Variants in NUBPL observed in about 807,000 individuals in gnomAD.
NUBPL encodes NUBP iron-sulfur cluster assembly factor, mitochondrial, also known as iron-sulfur cluster transfer protein NUBPL.
NUBPL carries 31 observed loss-of-function variants against 45.7 expected under a neutral mutation model. The ratio of observed to expected loss-of-function variants is 0.68; its 90% CI spans 0.51 to 0.92. NUBPL has a LOEUF of 0.92. Among genes scored for constraint, NUBPL ranks in the 40% least tolerant of loss-of-function variants. The pLI, the probability that NUBPL is intolerant of heterozygous loss-of-function variation, is 0.00. For missense variants in NUBPL, 401 were observed against 398.7 expected (o/e 1.01, Z -0.05); for synonymous variants, 144 against 140.9 (o/e 1.02, Z -0.15).
At chr14:31,761,215 G>C (rs1459090855) in intron 6 of NUBPL, among the ~76,000 whole-genome samples, 2 of 152,034 alleles carry the variant, frequency 1.3e-5, no homozygotes, top group Admixed American at 1.3e-4. Flanking sequence ...GTCTCACTCT[G>C]TTGCCCATTC....
intron 3 of NUBPL, among the ~76,000 whole-genome samples, chr14:31,578,834 C>T (rs543429753): frequency 1.3e-5 from 2 of 152,182 alleles, no homozygotes; most frequent in East Asian, 1.9e-4. Flanking sequence ...AAAGTACAAC[C>T]GCCTATTTTT....
chr14:31,656,157 C>A (rs945354923), intron 4 of NUBPL, among the ~76,000 whole-genome samples: 4 of 152,126 alleles, frequency 2.6e-5, no homozygotes, highest in African/African-American at 9.7e-5. Flanking sequence ...GTATCTTCCT[C>A]ACCTCTCTCA....
chr14:31,847,052 C>A (rs1182955951), intron 9 of NUBPL, among the ~76,000 whole-genome samples: 1 of 152,006 alleles, frequency 6.6e-6, no homozygotes, highest in Admixed American at 6.6e-5. Context: ...ATGTGTTAAC[C>A]TTTCTTTGGC....
rs764643986 is a variant in NUBPL at position 31,673,477 on chromosome 14, G to C, written c.423-7G>C. The stretch of plus-strand genomic sequence containing the variant: ...AAATTAGTTGTATTTTTATGTTACT[G>C]TTGCAGTATGTCTATGGGCTTTCTG... On this transcript the variant is annotated splice_region_variant and splice_polypyrimidine_tract_variant and intron_variant, in intron 5 of 10. Transcript: ENST00000281081. 6.2e-7 allele frequency: 1 copy of C among 1,612,896 alleles called. No individual in the cohort carries two copies. Among genetic ancestry groups the C allele is most frequent in the Admixed American group, 1.7e-5 (1 of 59,990 alleles).
chr14:31,602,148 C>A (rs1393357872), intron 4 of NUBPL, among the ~76,000 whole-genome samples: 7 of 151,842 alleles, frequency 4.6e-5, no homozygotes, highest in Admixed American at 1.3e-4. Context: ...GACAAAAAAC[C>A]AAACACTGCA....
At chr14:31,693,734 G>A (rs1047672410) in intron 6 of NUBPL, among the ~76,000 whole-genome samples, 7 of 144,574 alleles carry the variant, frequency 4.8e-5, no homozygotes, top group Non-Finnish European at 1.0e-4. Context: ...TAAGGAATGA[G>A]GAACATTAAT....
intron 3 of NUBPL, among the ~76,000 whole-genome samples, chr14:31,596,536 A>T (rs1048904763): frequency 6.6e-6 from 1 of 152,224 alleles, no homozygotes; most frequent in Admixed American, 6.5e-5. Flanking sequence ...ATTTATTTAC[A>T]TATTGTTTAT....
intron 7 of NUBPL, among the ~76,000 whole-genome samples, chr14:31,812,754 T>C (rs2039834067): frequency 6.6e-6 from 1 of 152,148 alleles, no homozygotes; most frequent in African/African-American, 2.4e-5. Context: ...GCTGTTCCTA[T>C]TCGGCCATCT....
intron 6 of NUBPL, 114 bp from the exon 7 acceptor site, chr14:31,787,666 A>G (rs994277901): frequency 6.8e-6 from 5 of 739,680 alleles, no homozygotes; most frequent in South Asian, 1.5e-5. Context: ...GTACCTAGCA[A>G]TGGCTCAAGC....
chr14:31,840,955 C>T (rs902651228), intron 8 of NUBPL, among the ~76,000 whole-genome samples: 3 of 152,126 alleles, frequency 2.0e-5, no homozygotes, highest in African/African-American at 4.8e-5. Context: ...TAGTGTTATA[C>T]GTTTGTGTGT....
At chr14:31,681,130 T>G (rs1434557707) in intron 6 of NUBPL, among the ~76,000 whole-genome samples, 1 of 152,130 alleles carries the variant, frequency 6.6e-6, no homozygotes, top group Non-Finnish European at 1.5e-5. Context: ...GTAAAAAATT[T>G]ATTAGCTTTG....
At chr14:31,820,632 C>T (rs756265636) in intron 7 of NUBPL, among the ~76,000 whole-genome samples, 6 of 149,226 alleles carry the variant, frequency 4.0e-5, no homozygotes, top group African/African-American at 9.9e-5. Flanking sequence ...GAGGCCAGCC[C>T]GACAAATAAG....
At chr14:31,806,489 G>A (rs1208136282) in intron 7 of NUBPL, among the ~76,000 whole-genome samples, 1 of 152,092 alleles carries the variant, frequency 6.6e-6, no homozygotes, top group Non-Finnish European at 1.5e-5. Context: ...TTTTTCAGTT[G>A]TAGAGCCATA....
At chr14:31,613,721 G>T (rs1453641627) in intron 4 of NUBPL, among the ~76,000 whole-genome samples, 2 of 152,082 alleles carry the variant, frequency 1.3e-5, no homozygotes, top group Non-Finnish European at 2.9e-5. Flanking sequence ...CTCCCAAAGT[G>T]CTGGGATTAC....
chr14:31,776,179 CTGGG>C (rs1243172626), intron 6 of NUBPL, among the ~76,000 whole-genome samples: 2 of 152,196 alleles, frequency 1.3e-5, no homozygotes, highest in African/African-American at 4.8e-5. Flanking sequence ...GGATCCACCA[CTGGG>C]TTTTACTAAA....
intron 6 of NUBPL, 109 bp from the exon 7 acceptor site, chr14:31,787,671 T>C (rs2039308079): frequency 7.8e-6 from 6 of 768,198 alleles, no homozygotes; most frequent in Non-Finnish European, 1.4e-5. Context: ...TAGCAATGGC[T>C]CAAGCGATAG....
At chr14:31,682,237 T>A (rs1191633395) in intron 6 of NUBPL, among the ~76,000 whole-genome samples, 1 of 152,178 alleles carries the variant, frequency 6.6e-6, no homozygotes, top group Non-Finnish European at 1.5e-5. Context: ...TGTTATGTAT[T>A]CGTGGTGAAT....
intron 4 of NUBPL, among the ~76,000 whole-genome samples, chr14:31,643,611 C>G (rs1236964451): frequency 6.6e-6 from 1 of 151,898 alleles, no homozygotes; most frequent in Non-Finnish European, 1.5e-5. Context: ...CTATAGTTTT[C>G]TTTTTGTTGT....
chr14:31,592,474 AG>A (rs1434504974), intron 3 of NUBPL, among the ~76,000 whole-genome samples: 1 of 152,170 alleles, frequency 6.6e-6, no homozygotes, highest in Non-Finnish European at 1.5e-5. Context: ...TTGAGAAGAA[AG>A]GCTGGGGTGA....
Sources: allele counts gnomAD v4.1 joint callset (sites outside exome capture counted in the v4.1 genomes callset), GRCh38; gene constraint gnomAD v4.1.1; transcripts MANE v1.5; gene names NCBI Gene and HGNC (gene_info 2026-07-23, HGNC 2026-07-21).